Variants in CATSPERE observed in about 807,000 individuals in gnomAD.
The protein encoded by CATSPERE is catsper channel auxiliary subunit epsilon, also known as cation channel sperm-associated auxiliary subunit epsilon.
In CATSPERE, 93 loss-of-function variants were observed where a neutral mutation model predicts 114.1. That is an observed-to-expected ratio of 0.81 (90% confidence interval 0.69 to 0.97). The LOEUF is 0.97. CATSPERE is among the 50% of genes least tolerant of loss of function. CATSPERE has a pLI of 0.00. For synonymous variants in CATSPERE, 341 were observed against 384.1 expected (o/e 0.89, Z 1.31); for missense variants, 1,058 against 1,131.6 (o/e 0.93, Z 0.93).
At position 244,593,507 on chromosome 1, in the gene CATSPERE, G is replaced by T. The variant is rs766710085; in HGVS notation, c.2232G>T (p.Arg744Ser). The T allele has an allele frequency of 1.2e-6, 2 of 1,613,832 alleles. No homozygotes were observed. The highest frequency in any genetic ancestry group is 2.7e-5 in the African/African-American group (2 of 74,910). Reference protein sequence around the residue: ...RHQPSKNLRVRYIWGEYGCPL... With the variant: ...RHQPSKNLRVSYIWGEYGCPL... ...TAGTTTTCCTTTTCTAGAGAGTAAG[G>T]TATATTTGGGGAGAATATGGCTGCC... is the stretch of plus-strand genomic sequence containing the variant. Residue 744 changes from arginine (R) to serine (S), a missense_variant, in exon 17 of 22, where the codon AGG becomes AGT. Arg to Ser is a moderately radical substitution (Grantham distance 110). This residue lies in a region of CATSPERE where 787 missense variants were observed against 905.6 expected (regional missense o/e 0.87). Coordinates refer to ENST00000366534, the MANE Select transcript of CATSPERE (RefSeq NM_001130957.2).
In CATSPERE at chr1:244,494,368, C is replaced by T. The variant is rs543654117; in HGVS notation, c.351+3897C>T. 5.8e-3 allele frequency among the ~76,000 whole-genome samples: 855 copies of T among 146,720 alleles called. 9 individuals are homozygous for T. Among genetic ancestry groups the T allele is most frequent in the African/African-American group, 0.02 (800 of 39,408 alleles). ...ATCACAAGGACAAGAAACCAAACAC[C>T]GCATATTCTCACTCATAGGTGGGAA... On this transcript the variant is annotated intron_variant, in intron 6 of 21. Transcript: ENST00000366534.
intron 1 of CATSPERE, among the ~76,000 whole-genome samples, chr1:244,463,127 T>C (rs1380951335): frequency 6.6e-6 from 1 of 152,240 alleles, no homozygotes; most frequent in Non-Finnish European, 1.5e-5. Flanking sequence ...TATTTTATAC[T>C]GATTACATGT....
intron 8 of CATSPERE, 27 bp downstream of exon 8, chr1:244,518,725 AT>A: frequency 8.4e-7 from 1 of 1,195,726 alleles, no homozygotes; most frequent in Non-Finnish European, 1.2e-6. Context: ...AATTTTAAAT[AT>A]AGAAATATGA....
intron 8 of CATSPERE, among the ~76,000 whole-genome samples, chr1:244,550,391 C>T (rs1660419685): frequency 6.6e-6 from 1 of 152,064 alleles, no homozygotes; most frequent in Admixed American, 6.5e-5. Context: ...TTCTGAAAAG[C>T]GTATAGTCAC....
At chr1:244,560,619 C>A in intron 9 of CATSPERE, 49 bp from the exon 10 acceptor site, 4 of 1,032,262 alleles carry the variant, frequency 3.9e-6, no homozygotes, top group South Asian at 2.9e-5. Context: ...ATTGTTAGGC[C>A]CGTCTCTAAA....
intron 10 of CATSPERE, 125 bp from the exon 11 acceptor site, chr1:244,572,205 A>G (rs1267512138): frequency 1.6e-6 from 1 of 633,782 alleles, no homozygotes; most frequent in Non-Finnish European, 2.8e-6. Flanking sequence ...GCACATTCTA[A>G]CTTTCTCAAA....
At chr1:244,451,547 G>C (rs1330021055), upstream of CATSPERE, 1 of 1,407,842 alleles carries the variant, frequency 7.1e-7, no homozygotes, top group Non-Finnish European at 9.5e-7. The surrounding 1 kb of genome is among the most constrained non-coding windows in gnomAD (Gnocchi z 6.6). Flanking sequence ...CAGTGGATCC[G>C]GGTTCTGGGT....
At chr1:244,546,698 A>C (rs1407923986) in intron 8 of CATSPERE, among the ~76,000 whole-genome samples, 5 of 152,224 alleles carry the variant, frequency 3.3e-5, no homozygotes, top group Non-Finnish European at 7.4e-5. Context: ...ACAAAGTGAA[A>C]AATGCAATAG....
At chr1:244,476,905 C>T (rs768849789) in intron 2 of CATSPERE, among the ~76,000 whole-genome samples, 1 of 152,126 alleles carries the variant, frequency 6.6e-6, no homozygotes, top group African/African-American at 2.4e-5. Context: ...TGTTTTTAAG[C>T]GAAGGATCAT....
At chr1:244,621,327 T>A (rs56394970) in intron 20 of CATSPERE, among the ~76,000 whole-genome samples, 2 of 23,410 alleles carry the variant, frequency 8.5e-5, no homozygotes, top group African/African-American at 1.1e-4. Context: ...TATATATATA[T>A]ATATATATAT....
At chr1:244,485,850 C>T (rs560859799) in intron 5 of CATSPERE, among the ~76,000 whole-genome samples, 27 of 151,982 alleles carry the variant, frequency 1.8e-4, no homozygotes, top group African/African-American at 6.3e-4. Flanking sequence ...GCACACACCA[C>T]TGTGCTCCAT....
chr1:244,490,116 A>C (rs1671763025), intron 5 of CATSPERE, among the ~76,000 whole-genome samples: 1 of 152,166 alleles, frequency 6.6e-6, no homozygotes, highest in Admixed American at 6.5e-5. Flanking sequence ...TTTTTGTTAA[A>C]ATCATATGAG....
At chr1:244,472,010 T>C (rs1443685698) in intron 2 of CATSPERE, among the ~76,000 whole-genome samples, 1 of 152,060 alleles carries the variant, frequency 6.6e-6, no homozygotes, top group Non-Finnish European at 1.5e-5. Flanking sequence ...CCTAGCGTGG[T>C]GTGTGTGGCA....
intron 6 of CATSPERE, among the ~76,000 whole-genome samples, chr1:244,495,070 A>G (rs1470393583): frequency 6.6e-6 from 1 of 152,228 alleles, no homozygotes; most frequent in Non-Finnish European, 1.5e-5. Flanking sequence ...AGAAATGCCT[A>G]TAGAAAATAT....
intron 9 of CATSPERE, among the ~76,000 whole-genome samples, chr1:244,558,220 C>A (rs1327274812): frequency 6.8e-6 from 1 of 146,384 alleles, no homozygotes; most frequent in African/African-American, 2.5e-5. Context: ...CAGCTCACTG[C>A]AACCTCCGCC....
At chr1:244,468,682 G>T (rs1271304309) in intron 2 of CATSPERE, among the ~76,000 whole-genome samples, 1 of 152,030 alleles carries the variant, frequency 6.6e-6, no homozygotes, top group African/African-American at 2.4e-5. Context: ...ACTTTGGGAG[G>T]CCAAGGCAGG....
intron 2 of CATSPERE, among the ~76,000 whole-genome samples, chr1:244,471,896 G>GATT: frequency 6.6e-6 from 1 of 152,146 alleles, no homozygotes. Context: ...CTAGGAATGG[G>GATT]ATTACTGTGT....
intron 4 of CATSPERE, 23 bp from the exon 5 acceptor site, chr1:244,479,694 G>A: frequency 6.6e-7 from 1 of 1,505,268 alleles, no homozygotes; most frequent in East Asian, 2.3e-5. Context: ...ATATATCACA[G>A]TTTCTTTTGC....
chr1:244,581,841 T>G lies in CATSPERE; in HGVS notation c.1996T>G (p.Tyr666Asp). 7.6e-7 allele frequency: 1 copy of G among 1,316,280 alleles called. No homozygotes were observed. Among genetic ancestry groups the G allele is most frequent in the South Asian group, 1.3e-5 (1 of 79,244 alleles). 81.5% of individuals were successfully genotyped at this position (1,316,280 alleles called of 1,614,324 possible). The change falls in exon 12 of 22, where the codon TAC becomes GAC. Residue 666 changes from tyrosine to aspartate, a missense_variant. Tyr to Asp is a radical substitution (Grantham distance 160, BLOSUM62 -3). Transcript: ENST00000366534. ...QNVDYERISD[Y>D]FETQDKHTGL... is the part of the protein sequence containing the mutation. ...TGTAGATTATGAGAGAATATCTGAT[T>G]ACTTTGAGACACAGTAAGTATAACT...
Sources: gnomAD v4.1 joint callset for allele counts (sites outside exome capture counted in the v4.1 genomes callset) on GRCh38, gnomAD v4.1.1 for gene constraint, gnomAD v4.1.1 regional missense constraint, Gnocchi (gnomAD v3.1) non-coding constraint, MANE v1.5 for transcripts, NCBI Gene and HGNC (gene_info 2026-07-23, HGNC 2026-07-21) for gene names.